The following STARD13 variants were observed in gnomAD, a reference collection of about 807,000 sequenced individuals.
The protein encoded by STARD13 is StAR related lipid transfer domain containing 13.
Under a neutral mutation model 106.4 loss-of-function variants are expected in STARD13, and 62 were observed. That is an observed-to-expected ratio of 0.58 (90% CI 0.48 to 0.72). The LOEUF is 0.72. Among genes scored for constraint, STARD13 ranks in the 30% least tolerant of loss-of-function variants. The pLI is 0.00. For missense variants in STARD13, 1,387 were observed against 1,424.0 expected, an observed-to-expected ratio of 0.97 and a Z score of 0.42; for synonymous variants, 565 against 553.0, an observed-to-expected ratio of 1.02 and a Z score of -0.31.
At chr13:33,168,835 A>T (rs919052526) in intron 1 of STARD13, among the ~76,000 whole-genome samples, 3 of 152,330 alleles carry the variant, frequency 2.0e-5, no homozygotes, top group African/African-American at 7.2e-5. Flanking sequence ...TGTTAGGAAA[A>T]TAGACCAAAG....
intron 1 of STARD13, among the ~76,000 whole-genome samples, chr13:33,309,787 G>A (rs974606575): frequency 2.0e-5 from 3 of 152,176 alleles, no homozygotes; most frequent in Non-Finnish European, 4.4e-5. Flanking sequence ...TCTCCACTGG[G>A]AATGAATGTA....
chr13:33,122,566 T>TGAG (rs1876502467), intron 7 of STARD13, among the ~76,000 whole-genome samples: 1 of 152,158 alleles, frequency 6.6e-6, no homozygotes, highest in Non-Finnish European at 1.5e-5. Flanking sequence ...CATCTACTGT[T>TGAG]AAAGCTCAGC....
At chr13:33,627,558 A>C in the STARD13 span, among the ~76,000 whole-genome samples, 2 of 151,768 alleles carry the variant, frequency 1.3e-5, no homozygotes. Context: ...AATCACTCGA[A>C]CCTGGGAGGT....
At chr13:33,174,374 C>G (rs1022692919) in intron 1 of STARD13, among the ~76,000 whole-genome samples, 1 of 152,008 alleles carries the variant, frequency 6.6e-6, no homozygotes, top group Non-Finnish European at 1.5e-5. Flanking sequence ...GTGCAGTTCT[C>G]CTGCAACTAG....
At chr13:33,450,612 G>T in the STARD13 span, among the ~76,000 whole-genome samples, 2 of 152,194 alleles carry the variant, frequency 1.3e-5, no homozygotes, top group African/African-American at 4.8e-5. Flanking sequence ...TAACAAAAAG[G>T]TTACAATCTT....
At chr13:33,439,558 C>A in the STARD13 span, 1 of 350,660 alleles carries the variant, frequency 2.9e-6, no homozygotes. Flanking sequence ...GATTTAACAT[C>A]ATACTGTATC....
the STARD13 span, among the ~76,000 whole-genome samples, chr13:33,603,354 T>G: frequency 6.6e-6 from 1 of 152,204 alleles, no homozygotes; most frequent in Admixed American, 6.5e-5. Flanking sequence ...GCTATCTGTG[T>G]GGCAAGCAGC....
intron 1 of STARD13, among the ~76,000 whole-genome samples, chr13:33,316,876 A>G (rs1256622668): frequency 6.6e-6 from 1 of 152,148 alleles, no homozygotes; most frequent in Non-Finnish European, 1.5e-5. Context: ...TGCCAGTGAC[A>G]TCTGTCTTGA....
chr13:33,433,299 T>C, the STARD13 span, among the ~76,000 whole-genome samples: 1 of 152,232 alleles, frequency 6.6e-6, no homozygotes, highest in African/African-American at 2.4e-5. Flanking sequence ...GAACTGCTCC[T>C]ATCTCCCAGA....
chr13:33,587,627 A>G, the STARD13 span, among the ~76,000 whole-genome samples: 1 of 152,196 alleles, frequency 6.6e-6, no homozygotes, highest in Admixed American at 6.5e-5. Flanking sequence ...AATCACCTGA[A>G]TATCTTGATA....
At chr13:33,429,281 C>T in the STARD13 span, among the ~76,000 whole-genome samples, 1 of 151,142 alleles carries the variant, frequency 6.6e-6, no homozygotes, top group African/African-American at 2.5e-5. Flanking sequence ...CCTAAGTGTC[C>T]ATCAACAGAT....
intron 1 of STARD13, among the ~76,000 whole-genome samples, chr13:33,225,390 TC>T (rs1888571522): frequency 6.6e-6 from 1 of 152,206 alleles, no homozygotes; most frequent in South Asian, 2.1e-4. Flanking sequence ...CGTCTGTACA[TC>T]TGCAGTCCCC....
intron 1 of STARD13, among the ~76,000 whole-genome samples, chr13:33,189,940 C>G (rs1024071507): frequency 1.3e-5 from 2 of 151,922 alleles, no homozygotes; most frequent in East Asian, 3.9e-4. Context: ...AATGATGATC[C>G]CAAACTTAAC....
chr13:33,512,694 C>T, the STARD13 span, among the ~76,000 whole-genome samples: 2 of 152,096 alleles, frequency 1.3e-5, no homozygotes, highest in Non-Finnish European at 2.9e-5. Flanking sequence ...GTTTTGAACT[C>T]CTGACCTCAG....
the STARD13 span, among the ~76,000 whole-genome samples, chr13:33,542,104 G>A: frequency 1.5e-3 from 233 of 152,282 alleles, no homozygotes; most frequent in African/African-American, 5.3e-3. Flanking sequence ...AAAACACGAA[G>A]ACATGCTTTC....
At chr13:33,467,450 T>G in the STARD13 span, among the ~76,000 whole-genome samples, 1 of 152,148 alleles carries the variant, frequency 6.6e-6, no homozygotes, top group African/African-American at 2.4e-5. Flanking sequence ...CTTTGCTCAC[T>G]TGCCCACCAT....
chr13:33,358,407 C>T, the STARD13 span, among the ~76,000 whole-genome samples: 26 of 152,322 alleles, frequency 1.7e-4, no homozygotes, highest in East Asian at 9.7e-4. Context: ...CCTGCAGCCC[C>T]GGTGTGGGAT....
the STARD13 span, among the ~76,000 whole-genome samples, chr13:33,389,789 TC>T: frequency 6.6e-6 from 1 of 152,202 alleles, no homozygotes; most frequent in Non-Finnish European, 1.5e-5. Flanking sequence ...TAATTTCATC[TC>T]ATTTATCTTC....
chr13:33,352,413 A>G (rs1169425084), upstream of STARD13, among the ~76,000 whole-genome samples: 1 of 152,234 alleles, frequency 6.6e-6, no homozygotes, highest in African/African-American at 2.4e-5. Flanking sequence ...AACATTATAT[A>G]CACGGGAACA....
Sources: gnomAD v4.1 joint callset for allele counts (sites outside exome capture counted in the v4.1 genomes callset) on GRCh38, gnomAD v4.1.1 for gene constraint, MANE v1.5 for transcripts, NCBI Gene and HGNC (gene_info 2026-07-23, HGNC 2026-07-21) for gene names.